The following PRELID2 variants were observed in gnomAD, a reference collection of about 807,000 sequenced individuals.
The protein encoded by PRELID2 is PRELI domain containing 2.
Under a neutral mutation model 28.4 loss-of-function variants are expected in PRELID2, and 25 were observed. The observed-to-expected ratio is 0.88, with a 90% CI of 0.64 to 1.23. The LOEUF is 1.23. PRELID2 is among the 50% of genes most tolerant of loss of function. The pLI is 0.00. For synonymous variants in PRELID2, 76 were observed against 71.6 expected (o/e 1.06, Z -0.31); for missense variants, 201 against 214.4 (o/e 0.94, Z 0.39).
intron 1 of PRELID2, among the ~76,000 whole-genome samples, chr5:145,586,975 A>T (rs756555626): frequency 2.0e-5 from 3 of 152,146 alleles, no homozygotes; most frequent in Non-Finnish European, 4.4e-5. Context: ...TAAAATATAC[A>T]CACACGCACA....
At chr5:145,788,938 A>C (rs1752184551) in intron 5 of PRELID2, among the ~76,000 whole-genome samples, 1 of 152,126 alleles carries the variant, frequency 6.6e-6, no homozygotes, top group Non-Finnish European at 1.5e-5. Flanking sequence ...CTTAGGAATA[A>C]ATTTAACCAA....
chr5:145,466,482 A>G, the PRELID2 span, among the ~76,000 whole-genome samples: 27 of 152,290 alleles, frequency 1.8e-4, no homozygotes, highest in African/African-American at 6.3e-4. Context: ...ATTACATGAT[A>G]TATAATGTAT....
At chr5:145,762,135 T>C (rs1466178958) in intron 6 of PRELID2, among the ~76,000 whole-genome samples, 3 of 152,230 alleles carry the variant, frequency 2.0e-5, no homozygotes, top group African/African-American at 7.2e-5. Flanking sequence ...GTTGGAATTA[T>C]ATAAATCTTT....
the PRELID2 span, among the ~76,000 whole-genome samples, chr5:145,231,969 A>G: frequency 5.3e-5 from 8 of 152,158 alleles, no homozygotes; most frequent in East Asian, 1.6e-3. Flanking sequence ...GTATTCAGGG[A>G]GTAATTTAGA....
the PRELID2 span, among the ~76,000 whole-genome samples, chr5:145,255,465 A>T: frequency 5.3e-5 from 8 of 152,136 alleles, no homozygotes; most frequent in African/African-American, 1.9e-4. Context: ...TGATCAGAGA[A>T]CTGGAATACA....
chr5:145,499,574 G>C (rs1752339774), intron 1 of PRELID2, among the ~76,000 whole-genome samples: 1 of 152,186 alleles, frequency 6.6e-6, no homozygotes, highest in African/African-American at 2.4e-5. Context: ...AGGCATCTAT[G>C]CCAGAGAAGC....
At chr5:145,744,887 C>CA (rs1207862880) in intron 1 of PRELID2, among the ~76,000 whole-genome samples, 8 of 151,834 alleles carry the variant, frequency 5.3e-5, no homozygotes, top group African/African-American at 1.9e-4. Context: ...AAGTAGGTTT[C>CA]AAAAAATGGG....
At position 145,511,891 on chromosome 5, in the gene PRELID2, A is replaced by G. The variant is rs182744187; in HGVS notation, n.71-38576T>C. 2.2e-4 allele frequency among the ~76,000 whole-genome samples: 34 copies of G among 152,304 alleles called. No individual in the cohort carries two copies. The East Asian group carries it at 5.8e-3, about 26-fold the overall frequency. On this transcript the variant is annotated intron_variant and non_coding_transcript_variant, in intron 1 of 2. Coordinates refer to the PRELID2 transcript ENST00000510259. ...TCCATAGTGGAAGCTGACGAGAGAG[A>G]GATTATGCTAGCTTGGACTGGGGCT...
the PRELID2 span, among the ~76,000 whole-genome samples, chr5:145,382,360 C>A: frequency 6.6e-6 from 1 of 151,718 alleles, no homozygotes; most frequent in African/African-American, 2.4e-5. Flanking sequence ...AATTAATAGA[C>A]CAAATGTTTC....
chr5:145,439,939 C>A, the PRELID2 span, among the ~76,000 whole-genome samples: 1 of 152,230 alleles, frequency 6.6e-6, no homozygotes, highest in Non-Finnish European at 1.5e-5. Context: ...GAAAACCTTT[C>A]TGAACTCCAT....
At chr5:145,727,439 A>G (rs1395688047) in intron 1 of PRELID2, among the ~76,000 whole-genome samples, 1 of 152,148 alleles carries the variant, frequency 6.6e-6, no homozygotes, top group African/African-American at 2.4e-5. Flanking sequence ...CTTTTACATT[A>G]TGTCAGACAT....
the PRELID2 span, among the ~76,000 whole-genome samples, chr5:145,244,978 A>C: frequency 6.6e-6 from 1 of 152,122 alleles, no homozygotes; most frequent in Admixed American, 6.6e-5. Flanking sequence ...CAAAGTATTC[A>C]AAGCATCTCT....
At chr5:145,253,838 CA>C in the PRELID2 span, among the ~76,000 whole-genome samples, 68 of 142,388 alleles carry the variant, frequency 4.8e-4, no homozygotes, top group African/African-American at 1.8e-3. Flanking sequence ...CTAAAAAAAA[CA>C]AAAAAAACAA....
At chr5:145,592,303 C>T (rs952569516) in intron 1 of PRELID2, among the ~76,000 whole-genome samples, 4 of 151,970 alleles carry the variant, frequency 2.6e-5, no homozygotes, top group Non-Finnish European at 5.9e-5. Context: ...ATTCTCTACT[C>T]GGGATGCTGA....
downstream of PRELID2, among the ~76,000 whole-genome samples, chr5:145,471,396 G>A (rs1752053294): frequency 6.6e-6 from 1 of 152,116 alleles, no homozygotes; most frequent in Admixed American, 6.6e-5. Flanking sequence ...TATACCAAAA[G>A]GGGAATAAAT....
chr5:145,626,870 C>G (rs1041541571), intron 1 of PRELID2, among the ~76,000 whole-genome samples: 1 of 151,728 alleles, frequency 6.6e-6, no homozygotes, highest in African/African-American at 2.4e-5. Context: ...GAGGCCAAGG[C>G]GGGTGGATCA....
chr5:145,699,416 A>G (rs1345818842), intron 1 of PRELID2, among the ~76,000 whole-genome samples: 1 of 152,068 alleles, frequency 6.6e-6, no homozygotes, highest in Non-Finnish European at 1.5e-5. Context: ...ACACATCCCA[A>G]TTTACAAATG....
At position 145,760,114 on chromosome 5, in the gene PRELID2, G is replaced by C. The variant is rs1002988028; in HGVS notation, c.*422C>G. On this transcript the variant is annotated 3_prime_UTR_variant, in exon 7 of 7. Transcript: ENST00000683046. The stretch of plus-strand genomic sequence containing the variant: ...CTTATTGGTTCCAGAATCCCCTCAC[G>C]AATCCTAGGAACAACGGTGCTGATA... 6.6e-6 allele frequency: 1 copy of C among 151,968 alleles called. No individual in the cohort carries two copies. Among genetic ancestry groups the C allele is most frequent in the Non-Finnish European group, 1.5e-5 (1 of 68,026 alleles). The allele number at this position is 151,968 out of a possible 1,614,324, so 9.4% of individuals were successfully genotyped here.
At chr5:145,577,151 C>G (rs1301426999) in intron 1 of PRELID2, among the ~76,000 whole-genome samples, 1 of 152,072 alleles carries the variant, frequency 6.6e-6, no homozygotes, top group Non-Finnish European at 1.5e-5. Flanking sequence ...GAATAAATAC[C>G]TACTTCTTTA....
Sources: allele counts gnomAD v4.1 joint callset (sites outside exome capture counted in the v4.1 genomes callset), GRCh38; gene constraint gnomAD v4.1.1; transcripts MANE v1.5; gene names NCBI Gene and HGNC (gene_info 2026-07-23, HGNC 2026-07-21).